Variants in RYR3 observed in about 807,000 individuals in gnomAD.
RYR3 encodes brain ryanodine receptor-calcium release channel.
A neutral mutation model predicts 584.3 loss-of-function variants in RYR3; 207 were observed. The ratio of observed to expected loss-of-function variants is 0.35; its 90% CI spans 0.32 to 0.40. RYR3 has a LOEUF of 0.40. RYR3 is among the 10% of genes least tolerant of loss of function. The pLI is 1.00. For missense variants in RYR3, 5,616 were observed against 6,089.2 expected, an observed-to-expected ratio of 0.92 and a Z score of 2.59; for synonymous variants, 2,416 against 2,248.5, an observed-to-expected ratio of 1.07 and a Z score of -2.11.
intron 1 of RYR3, among the ~76,000 whole-genome samples, chr15:33,324,107 G>C (rs1304836542): frequency 6.6e-6 from 1 of 152,086 alleles, no homozygotes; most frequent in Non-Finnish European, 1.5e-5. Flanking sequence ...TGACATTCAA[G>C]ATACTCTTTT....
intron 1 of RYR3, among the ~76,000 whole-genome samples, chr15:33,386,407 G>A (rs558934021): frequency 1.9e-4 from 29 of 152,220 alleles, no homozygotes; most frequent in East Asian, 5.8e-4. Flanking sequence ...GATTACTTTC[G>A]CGTCAAAAAT....
At chr15:33,316,927 G>C (rs2140486603) in intron 1 of RYR3, among the ~76,000 whole-genome samples, 1 of 152,198 alleles carries the variant, frequency 6.6e-6, no homozygotes, top group African/African-American at 2.4e-5. Context: ...AGGATCTCTG[G>C]GCAATTACTT....
At chr15:33,794,232 A>AT (rs1329051507) in intron 67 of RYR3, among the ~76,000 whole-genome samples, 2 of 97,888 alleles carry the variant, frequency 2.0e-5, no homozygotes, top group East Asian at 3.8e-4. Flanking sequence ...AATATATATA[A>AT]ATATATATTT....
At chr15:33,753,032 G>A (rs2071472070) in intron 57 of RYR3, among the ~76,000 whole-genome samples, 1 of 152,146 alleles carries the variant, frequency 6.6e-6, no homozygotes, top group Non-Finnish European at 1.5e-5. Flanking sequence ...TAATCATGTG[G>A]TTTTTGTCAT....
intron 12 of RYR3, among the ~76,000 whole-genome samples, chr15:33,573,223 C>T (rs1451551992): frequency 6.6e-6 from 1 of 152,014 alleles, no homozygotes; most frequent in Non-Finnish European, 1.5e-5. Flanking sequence ...AATATCAATG[C>T]TGAGGGGGTG....
At chr15:33,764,286 A>G (rs2072800261) in intron 60 of RYR3, among the ~76,000 whole-genome samples, 1 of 152,170 alleles carries the variant, frequency 6.6e-6, no homozygotes, top group African/African-American at 2.4e-5. Context: ...AGAGACATGG[A>G]TGAAGCTGAA....
chr15:33,426,638 A>T (rs2044676358), intron 1 of RYR3, among the ~76,000 whole-genome samples: 1 of 152,224 alleles, frequency 6.6e-6, no homozygotes, highest in Non-Finnish European at 1.5e-5. Context: ...TTTAACAAAG[A>T]TATAACTGAG....
chr15:33,480,686 T>A (rs1368981126), intron 2 of RYR3, among the ~76,000 whole-genome samples: 6 of 152,352 alleles, frequency 3.9e-5, no homozygotes, highest in Admixed American at 3.9e-4. Flanking sequence ...AATTTTTATT[T>A]TAATTCTGAT....
In RYR3 at chr15:33,857,842, C is replaced by T. The variant is rs754520283; in HGVS notation, c.14070C>T (p.Asn4690=). 6 of 1,614,054 alleles carry T rather than the reference C, an allele frequency of 3.7e-6. No individual in the cohort carries two copies. The highest frequency in any genetic ancestry group is 3.3e-5 in the South Asian group (3 of 91,090). The change falls in exon 99 of 104, where the codon AAC becomes AAT. Residue 4690 remains asparagine (N), a synonymous_variant. Coordinates refer to ENST00000634891, the MANE Select transcript of RYR3 (RefSeq NM_001036.6). The part of the protein sequence containing the change: ...VVYLYTVVAF[N]FFRKFYNKSE... ...ATCTCTATACTGTGGTGGCTTTCAA[C>T]TTCTTCCGCAAGTTCTACAACAAAA...
At position 33,854,783 on chromosome 15, in the gene RYR3, C is replaced by T. The variant is rs1395244417; in HGVS notation, c.13878C>T (p.Ala4626=). The T allele has an allele frequency of 1.2e-6, 2 of 1,609,704 alleles. No homozygotes were observed. The highest frequency in any genetic ancestry group is 1.7e-5 in the Admixed American group (1 of 58,918). The change falls in exon 98 of 104, where the codon GCC becomes GCT. Residue 4626 remains alanine, a synonymous_variant. Coordinates refer to ENST00000634891, the MANE Select transcript of RYR3 (RefSeq NM_001036.6). ...ATTCCCAGTCCTTTCTCTACCTTGCCTGGTATACAACCATGTCAGTCCTGG... is the reference window on the plus strand; with the variant it reads ...ATTCCCAGTCCTTTCTCTACCTTGCTTGGTATACAACCATGTCAGTCCTGG... ...VFTDNSFLYL[A]WYTTMSVLGH... is the part of the protein sequence containing the mutation.
At chr15:33,596,498 G>A (rs1018826234) in intron 16 of RYR3, among the ~76,000 whole-genome samples, 2 of 137,232 alleles carry the variant, frequency 1.5e-5, no homozygotes, top group Admixed American at 7.3e-5. Flanking sequence ...CTTTTTTTGG[G>A]GGGGGGGGAT....
chr15:33,595,659 C>T (rs951986931), intron 16 of RYR3, among the ~76,000 whole-genome samples: 3 of 152,122 alleles, frequency 2.0e-5, no homozygotes, highest in East Asian at 1.9e-4. Context: ...CATCTTCTAT[C>T]GGGCCTGAAG....
intron 62 of RYR3, among the ~76,000 whole-genome samples, chr15:33,771,521 A>G (rs1035945811): frequency 6.9e-6 from 1 of 144,706 alleles, no homozygotes; most frequent in African/African-American, 2.5e-5. Context: ...TGACAGGGTG[A>G]GACGCTGTCT....
intron 1 of RYR3, among the ~76,000 whole-genome samples, chr15:33,402,888 G>C (rs1056016785): frequency 1.3e-5 from 2 of 152,244 alleles, no homozygotes; most frequent in African/African-American, 4.8e-5. Flanking sequence ...GTCAGCTGCA[G>C]GGAGGCAGGC....
intron 1 of RYR3, among the ~76,000 whole-genome samples, chr15:33,322,452 T>C (rs1969099747): frequency 6.6e-6 from 1 of 151,876 alleles, no homozygotes; most frequent in Non-Finnish European, 1.5e-5. Flanking sequence ...ACATGAGAAA[T>C]CCACAACCAT....
rs2079339827 is a variant in RYR3 at position 33,853,674 on chromosome 15, G to C, written c.13791G>C (p.Leu4597=). The C allele has an allele frequency of 6.2e-7, 1 of 1,613,292 alleles. No individual in the cohort carries two copies. Among genetic ancestry groups the C allele is most frequent in the East Asian group, 2.2e-5 (1 of 44,882 alleles). The change falls in exon 96 of 104, where the codon CTG becomes CTC. Residue 4597 remains leucine (L), a synonymous_variant. Coordinates refer to ENST00000634891, the MANE Select transcript of RYR3 (RefSeq NM_001036.6). ...VEETKAEAAS[L]VSWLSSIDMK... is the part of the protein sequence containing the mutation. ...AGACCAAAGCAGAAGCGGCTTCTCT[G>C]GTGTCATGGTACAAAAAGCTTAGGA...
intron 98 of RYR3, chr15:33,856,653 TG>T (rs879680115): frequency 0.13 from 10,495 of 79,116 alleles, 548 homozygotes; most frequent in Non-Finnish European, 0.17. Flanking sequence ...TTGGGTTTTT[TG>T]TTTGTTTGTT....
intron 38 of RYR3, among the ~76,000 whole-genome samples, chr15:33,693,711 G>T (rs1216157529): frequency 2.6e-5 from 4 of 152,210 alleles, no homozygotes; most frequent in African/African-American, 4.8e-5. Flanking sequence ...TGCAGAATAG[G>T]ATTCTGAATT....
chr15:33,830,429 T>G (rs553772425), intron 85 of RYR3, among the ~76,000 whole-genome samples: 1 of 152,336 alleles, frequency 6.6e-6, no homozygotes, highest in African/African-American at 2.4e-5. Context: ...TTTAAAGACA[T>G]AATGCTATTG....
Sources: gnomAD v4.1 joint callset for allele counts (sites outside exome capture counted in the v4.1 genomes callset) on GRCh38, gnomAD v4.1.1 for gene constraint, MANE v1.5 for transcripts, NCBI Gene and HGNC (gene_info 2026-07-23, HGNC 2026-07-21) for gene names.